Variants in BCL11A observed in about 807,000 individuals in gnomAD.
The protein encoded by BCL11A is B cell CLL/lymphoma 11A.
Under a neutral mutation model 55.9 loss-of-function variants are expected in BCL11A, and 2 were observed. The ratio of observed to expected loss-of-function variants is 0.04; its 90% CI spans 0.01 to 0.11. The LOEUF (loss-of-function observed/expected upper bound fraction) is 0.11, where lower values mean the gene tolerates loss of function less well. BCL11A is among the 10% of genes least tolerant of loss of function. The pLI is 1.00. For synonymous variants in BCL11A, 465 were observed against 473.4 expected, an observed-to-expected ratio of 0.98 and a Z score of 0.23; for missense variants, 817 against 1,137.1, an observed-to-expected ratio of 0.72 and a Z score of 4.05.
chr2:60,480,905 C>T (rs1179165623), intron 2 of BCL11A, among the ~76,000 whole-genome samples: 3 of 152,176 alleles, frequency 2.0e-5, no homozygotes, highest in Non-Finnish European at 4.4e-5. Flanking sequence ...GAAGTACCTC[C>T]GCTTGAATAA....
chr2:60,503,786 GC>G (rs1484373762), intron 2 of BCL11A, among the ~76,000 whole-genome samples: 1 of 152,158 alleles, frequency 6.6e-6, no homozygotes, highest in Non-Finnish European at 1.5e-5. Flanking sequence ...CAACCCTAAA[GC>G]CCACTGCAAG....
intron 2 of BCL11A, among the ~76,000 whole-genome samples, chr2:60,501,073 A>T (rs1218955428): frequency 6.6e-6 from 1 of 152,212 alleles, no homozygotes; most frequent in Non-Finnish European, 1.5e-5. Context: ...TCTCCACAGG[A>T]GCCCTGCCCA....
intron 2 of BCL11A, chr2:60,538,177 AC>A (rs2104688840): frequency 6.6e-6 from 1 of 152,188 alleles, no homozygotes; most frequent in South Asian, 2.1e-4. Flanking sequence ...TGATCATCTC[AC>A]CTTTAGGTAT....
At chr2:60,476,976 C>T (rs1677643060) in intron 2 of BCL11A, among the ~76,000 whole-genome samples, 1 of 152,164 alleles carries the variant, frequency 6.6e-6, no homozygotes, top group African/African-American at 2.4e-5. Flanking sequence ...CGATAAAAGA[C>T]ACTGCCCTGA....
intron 1 of BCL11A, among the ~76,000 whole-genome samples, chr2:60,551,201 T>C (rs1426353288): frequency 6.6e-6 from 1 of 152,248 alleles, no homozygotes; most frequent in African/African-American, 2.4e-5. Flanking sequence ...CACGCCTTTC[T>C]TTCCCTTGCT....
At chr2:60,474,444 A>G (rs532556761) in intron 2 of BCL11A, among the ~76,000 whole-genome samples, 1 of 152,368 alleles carries the variant, frequency 6.6e-6, no homozygotes, top group East Asian at 1.9e-4. Flanking sequence ...TGGTACTTAA[A>G]AAAAGAATTC....
intron 2 of BCL11A, among the ~76,000 whole-genome samples, chr2:60,487,586 C>T (rs1431196073): frequency 6.6e-6 from 1 of 151,916 alleles, no homozygotes. Flanking sequence ...CAGAACAAAA[C>T]AAAACAAAAA....
chr2:60,513,522 C>T (rs976810833), intron 2 of BCL11A, among the ~76,000 whole-genome samples: 1 of 152,228 alleles, frequency 6.6e-6, no homozygotes, highest in African/African-American at 2.4e-5. Context: ...ACTCCTGCTG[C>T]TTCTCTCTTT....
chr2:60,551,215 A>C (rs1670400421), intron 1 of BCL11A, among the ~76,000 whole-genome samples: 1 of 152,262 alleles, frequency 6.6e-6, no homozygotes, highest in South Asian at 2.1e-4. Context: ...CCTTGCTGCC[A>C]AACTTTCCTA....
At chr2:60,521,136 C>A (rs1246456269) in intron 2 of BCL11A, among the ~76,000 whole-genome samples, 1 of 151,554 alleles carries the variant, frequency 6.6e-6, no homozygotes, top group Admixed American at 6.6e-5. Flanking sequence ...CACACAAATC[C>A]TTGAGGGTGC....
chr2:60,490,193 T>C (rs1254729529), intron 2 of BCL11A, among the ~76,000 whole-genome samples: 3 of 152,188 alleles, frequency 2.0e-5, no homozygotes, highest in African/African-American at 4.8e-5. Context: ...CTCTAGAACA[T>C]ATAAGTCAAC....
intron 2 of BCL11A, among the ~76,000 whole-genome samples, chr2:60,521,036 G>T (rs911658110): frequency 2.0e-5 from 3 of 151,252 alleles, no homozygotes; most frequent in Admixed American, 6.6e-5. Flanking sequence ...AAATGGAGAG[G>T]AAAGGAAAAG....
intron 2 of BCL11A, among the ~76,000 whole-genome samples, chr2:60,530,985 T>C (rs1253008388): frequency 1.3e-5 from 2 of 152,240 alleles, no homozygotes; most frequent in Non-Finnish European, 2.9e-5. Flanking sequence ...TCTATCATTC[T>C]GTCTGCTAAA....
At chr2:60,537,174 CCTTAACAT>C (rs1298791879) in intron 2 of BCL11A, 2 of 97,180 alleles carry the variant, frequency 2.1e-5, no homozygotes, top group African/African-American at 6.1e-5. Flanking sequence ...ATTTTTTTCT[CCTTAACAT>C]AACAAAAACA....
intron 2 of BCL11A, among the ~76,000 whole-genome samples, chr2:60,495,311 A>G (rs1678883820): frequency 6.6e-6 from 1 of 151,980 alleles, no homozygotes; most frequent in Non-Finnish European, 1.5e-5. Flanking sequence ...TCAAAGTTGT[A>G]TTGACCCTGG....
rs1440736107 is a variant in BCL11A at position 60,540,890 on chromosome 2, G to GCAA, written c.385+5080_385+5081insTTG. ...ATATTTCAGATCCTTTATAGTAAAG[G>GCAA]CACAACTTGCAACACAACAAGGAAT... On this transcript the variant is annotated intron_variant, in intron 2 of 3. Coordinates refer to ENST00000642384, the MANE Select transcript of BCL11A (RefSeq NM_022893.4). Among the ~76,000 whole-genome samples, 5 of 150,052 alleles carry GCAA rather than the reference G, an allele frequency of 3.3e-5. No homozygotes were observed. In the East Asian group the frequency reaches 9.9e-4, roughly 30 times the overall value.
rs1490165928 is a variant in BCL11A, at chr2:60,468,773, G to A, written c.446C>T (p.Pro149Leu). The A allele has an allele frequency of 6.2e-7, 1 of 1,610,618 alleles. No homozygotes were observed. Among genetic ancestry groups the A allele is most frequent in the African/African-American group, 1.3e-5 (1 of 74,624 alleles). ...ATATTCTGCACTCATCCCAGGCGTG[G>A]GGATTAGAGCTCCATGTGCAGAACG... ...SPRSAHGALI[P>L]TPGMSAEYAP... The change falls in exon 3 of 4, where the codon CCC (proline) becomes CTC (leucine). Residue 149 changes from proline to leucine, a missense_variant. Pro to Leu is a moderately conservative substitution (Grantham distance 98). This residue lies in a region of BCL11A where 363 missense variants were observed against 486.6 expected (regional missense o/e 0.75). Transcript: ENST00000642384.
chr2:60,529,374 G>T (rs751675631), intron 2 of BCL11A, among the ~76,000 whole-genome samples: 30 of 152,198 alleles, frequency 2.0e-4, no homozygotes, highest in Non-Finnish European at 3.4e-4. Context: ...GGAAGCGGAG[G>T]CTTAGGGAAT....
intron 2 of BCL11A, chr2:60,543,782 T>C (rs904651132): frequency 6.6e-6 from 1 of 152,256 alleles, no homozygotes; most frequent in Non-Finnish European, 1.5e-5. Context: ...CTCACCTGGG[T>C]CACAGCACTT....
Sources: gnomAD v4.1 joint callset for allele counts (sites outside exome capture counted in the v4.1 genomes callset) on GRCh38, gnomAD v4.1.1 for gene constraint, gnomAD v4.1.1 regional missense constraint, MANE v1.5 for transcripts, NCBI Gene and HGNC (gene_info 2026-07-23, HGNC 2026-07-21) for gene names.